The following BRD4 variants were observed in gnomAD, a reference collection of about 807,000 sequenced individuals.
BRD4 encodes the protein bromodomain containing 4, also known as bromodomain-containing protein 4.
Under a neutral mutation model 142.1 loss-of-function variants are expected in BRD4, and 16 were observed. The ratio of observed to expected loss-of-function variants is 0.11; its 90% CI spans 0.08 to 0.17. The LOEUF (loss-of-function observed/expected upper bound fraction) is 0.17, where lower values mean the gene tolerates loss of function less well. Ranked by LOEUF, BRD4 falls within the 10% of genes least tolerant of loss-of-function variation. BRD4 has a pLI of 1.00. For missense variants in BRD4, 1,424 were observed against 1,810.9 expected (o/e 0.79, Z 3.88); for synonymous variants, 833 against 707.5 (o/e 1.18, Z -2.82).
At chr19:15,294,655 C>G (rs12976490) in intron 1 of BRD4, among the ~76,000 whole-genome samples, 10 of 152,188 alleles carry the variant, frequency 6.6e-5, no homozygotes, top group Non-Finnish European at 1.5e-4. Context: ...GTTCATCGAG[C>G]CAATCATTGG....
chr19:15,277,538 T>C (rs1383086886), intron 1 of BRD4, among the ~76,000 whole-genome samples: 1 of 151,688 alleles, frequency 6.6e-6, no homozygotes, highest in East Asian at 1.9e-4. Context: ...TCCCAGCACT[T>C]TGGGAGGCCA....
chr19:15,310,080 A>C lies in BRD4; in HGVS notation c.-35+22210T>G, dbSNP rs537184141. Reference sequence around the variant, plus strand: ...AATGTTAATTCTGTGAGCCTTTTCAAGGTGACATCAAGACAGAAACTACTT... The same window carrying C: ...AATGTTAATTCTGTGAGCCTTTTCACGGTGACATCAAGACAGAAACTACTT... On this transcript the variant is annotated intron_variant, in intron 1 of 19. Transcript: ENST00000679869. 1.1e-3 allele frequency among the ~76,000 whole-genome samples: 160 copies of C among 152,230 alleles called. 1 individual carries two copies. In the South Asian group the frequency reaches 0.011, roughly 10 times the overall value.
At chr19:15,313,162 G>C (rs1023893037) in intron 1 of BRD4, among the ~76,000 whole-genome samples, 11 of 150,238 alleles carry the variant, frequency 7.3e-5, no homozygotes, top group African/African-American at 2.7e-4. Flanking sequence ...ACGAGGTCAG[G>C]AGATCGAGAC....
In BRD4 at chr19:15,243,200, G is replaced by A. The variant is rs770471285; in HGVS notation, c.2869C>T (p.Pro957Ser). ...GAGGGGTGGGGTGGGGGCGGCAGGG[G>A]GGGTGGGGGCTGGGACTGCACCTTC... ...SVKVQSQPPP[P>S]LPPPPHPSVQ... Residue 957 changes from proline to serine, a missense_variant, in exon 14 of 20, where the codon CCC becomes TCC. Physicochemically the swap from Pro to Ser is moderately conservative, Grantham distance 74 (BLOSUM62 -1). Around this residue, in one of 16 missense-constraint regions of BRD4, gnomAD observed 598 missense variants for 647.8 expected, o/e 0.92. Transcript: ENST00000679869. 8.5e-7 allele frequency: 1 copy of A among 1,171,338 alleles called. No individual in the cohort carries two copies. The highest frequency in any genetic ancestry group is 1.2e-6 in the Non-Finnish European group (1 of 866,722). The allele number at this position is 1,171,338 out of a possible 1,614,324, so 72.6% of individuals were successfully genotyped here.
chr19:15,308,937 C>T (rs2047941718), intron 1 of BRD4, among the ~76,000 whole-genome samples: 1 of 151,922 alleles, frequency 6.6e-6, no homozygotes, highest in African/African-American at 2.4e-5. Context: ...ATTGCTTCAA[C>T]CCAGCAGGTG....
At position 15,311,949 on chromosome 19, in the gene BRD4, G is replaced by A. The variant is rs375050935; in HGVS notation, c.-35+20341C>T. Among the ~76,000 whole-genome samples, 13 of 152,344 alleles carry A rather than the reference G, an allele frequency of 8.5e-5. No homozygotes were observed. The East Asian group carries it at 1.9e-3, about 23-fold the overall frequency. ...AGAAAGAAGGAAAAGGAAGTTATTC[G>A]AAGGATACAGTGTCAGCTTTGCAAG... On this transcript the variant is annotated intron_variant, in intron 1 of 19. Coordinates refer to ENST00000679869, the MANE Select transcript of BRD4 (RefSeq NM_001379291.1).
At chr19:15,284,058 T>C (rs760574631) in intron 1 of BRD4, among the ~76,000 whole-genome samples, 2 of 152,160 alleles carry the variant, frequency 1.3e-5, no homozygotes, top group Non-Finnish European at 2.9e-5. Context: ...AAAGCCTGGG[T>C]ATCTCGATGA....
chr19:15,272,499 G>C (rs767962406), intron 2 of BRD4, among the ~76,000 whole-genome samples: 1 of 152,190 alleles, frequency 6.6e-6, no homozygotes, highest in Non-Finnish European at 1.5e-5. Context: ...GGATGGCCAA[G>C]TGCTCTGACT....
chr19:15,289,483 G>A (rs891155941), intron 1 of BRD4, among the ~76,000 whole-genome samples: 2 of 152,038 alleles, frequency 1.3e-5, no homozygotes, highest in African/African-American at 2.4e-5. Flanking sequence ...CCCTGGAGGC[G>A]GAGGTTGCGA....
chr19:15,255,949 G>C (rs1243289701), intron 9 of BRD4, 115 bp downstream of exon 9: 2 of 1,389,296 alleles, frequency 1.4e-6, no homozygotes, highest in African/African-American at 2.9e-5. Flanking sequence ...AGCCACGGCT[G>C]CAGAGGGGCA....
intron 2 of BRD4, among the ~76,000 whole-genome samples, chr19:15,269,541 C>T (rs1360441763): frequency 6.6e-6 from 1 of 152,148 alleles, no homozygotes; most frequent in African/African-American, 2.4e-5. Flanking sequence ...GCCTCCTTGT[C>T]ACCATGAAGA....
At chr19:15,328,080 G>A (rs929310405) in intron 1 of BRD4, among the ~76,000 whole-genome samples, 1 of 152,080 alleles carries the variant, frequency 6.6e-6, no homozygotes, top group African/African-American at 2.4e-5. Context: ...ATAATAGTAT[G>A]CTCAAATTAT....
intron 11 of BRD4, among the ~76,000 whole-genome samples, chr19:15,250,624 C>T (rs2047333948): frequency 6.6e-6 from 1 of 152,224 alleles, no homozygotes; most frequent in Non-Finnish European, 1.5e-5. Flanking sequence ...AGGAGGATCT[C>T]TCACACCTCC....
intron 11 of BRD4, chr19:15,248,826 G>C (rs894135855): frequency 3.4e-6 from 1 of 290,592 alleles, no homozygotes. Flanking sequence ...CTCCTGGACT[G>C]ATGTCACTGC....
chr19:15,271,973 A>G (rs2047593054), intron 2 of BRD4, among the ~76,000 whole-genome samples: 2 of 126,174 alleles, frequency 1.6e-5, no homozygotes, highest in Admixed American at 1.6e-4. Context: ...AGTCTGGGTC[A>G]GTGGCTGCAA....
At chr19:15,309,445 A>C (rs778694473) in intron 1 of BRD4, among the ~76,000 whole-genome samples, 1 of 152,198 alleles carries the variant, frequency 6.6e-6, no homozygotes, top group Non-Finnish European at 1.5e-5. Context: ...AGATGTGGAG[A>C]AACTGGAACC....
intron 10 of BRD4, 91 bp downstream of exon 10, chr19:15,255,206 G>C: frequency 1.6e-6 from 2 of 1,277,256 alleles, no homozygotes; most frequent in South Asian, 1.5e-5. Flanking sequence ...AAAAGGGGGG[G>C]GGCGCAGAAA....
intron 1 of BRD4, among the ~76,000 whole-genome samples, chr19:15,279,951 G>C (rs111599664): frequency 5.3e-5 from 8 of 152,168 alleles, no homozygotes; most frequent in African/African-American, 1.9e-4. Flanking sequence ...AGAAGCAGTC[G>C]CCAAGACGAT....
chr19:15,238,473 G>C lies in BRD4; in HGVS notation c.4021-28C>G. 1 of 1,613,730 alleles carries C rather than the reference G, an allele frequency of 6.2e-7. No homozygotes were observed. The highest frequency in any genetic ancestry group is 8.5e-7 in the Non-Finnish European group (1 of 1,179,888). ...GGAGGAGAAAGGAAGGAGGGAGTCAGGAGGATGACCTAGCCACCCTGCAGC... is the reference window on the plus strand; with the variant it reads ...GGAGGAGAAAGGAAGGAGGGAGTCACGAGGATGACCTAGCCACCCTGCAGC... On this transcript the variant is annotated intron_variant, in intron 19 of 19. Transcript: ENST00000679869. This position sits in a 1 kb window ranked among gnomAD's most constrained non-coding sequence, Gnocchi z 7.2.
Sources: gnomAD v4.1 joint callset for allele counts (sites outside exome capture counted in the v4.1 genomes callset) on GRCh38, gnomAD v4.1.1 for gene constraint, gnomAD v4.1.1 regional missense constraint, Gnocchi (gnomAD v3.1) non-coding constraint, MANE v1.5 for transcripts, NCBI Gene and HGNC (gene_info 2026-07-23, HGNC 2026-07-21) for gene names.